KCNH8: variants seen among roughly 807,000 people sequenced by gnomAD.
The protein encoded by KCNH8 is voltage-gated delayed rectifier potassium channel KCNH8.
In KCNH8, 70 loss-of-function variants were observed where a neutral mutation model predicts 103.6. The ratio of observed to expected loss-of-function variants is 0.68; its 90% CI spans 0.56 to 0.82. The LOEUF is 0.82. Among genes scored for constraint, KCNH8 ranks in the 40% least tolerant of loss-of-function variants. KCNH8 has a pLI of 0.00. For synonymous variants in KCNH8, 498 were observed against 489.4 expected (o/e 1.02, Z -0.23); for missense variants, 1,217 against 1,329.9 (o/e 0.92, Z 1.32).
chr3:19,337,307 T>G (rs2065597508), intron 3 of KCNH8, among the ~76,000 whole-genome samples: 1 of 152,108 alleles, frequency 6.6e-6, no homozygotes, highest in Non-Finnish European at 1.5e-5. Context: ...CCTGGCATAA[T>G]GCCTAGAACA....
intron 1 of KCNH8, among the ~76,000 whole-genome samples, chr3:19,175,614 G>A (rs574249289): frequency 1.1e-4 from 16 of 152,154 alleles, no homozygotes; most frequent in Non-Finnish European, 1.0e-4. Context: ...AGACTAAATA[G>A]TTAAAATACT....
At position 19,254,194 on chromosome 3, in the gene KCNH8, C is replaced by T. The variant is rs117073460; in HGVS notation, c.310+307C>T. ...ATATTTTGGTAATTCTTAAAATATA[C>T]GTTATGTATAATAGTTATTTGTATA... On this transcript the variant is annotated intron_variant, in intron 2 of 15. Coordinates refer to ENST00000328405, the MANE Select transcript of KCNH8 (RefSeq NM_144633.3). Among the ~76,000 whole-genome samples the T allele has an allele frequency of 1.3e-3, 201 of 151,816 alleles. No homozygotes were observed. The East Asian group carries it at 0.029, about 22-fold the overall frequency.
intron 5 of KCNH8, among the ~76,000 whole-genome samples, chr3:19,385,101 G>C (rs1559301653): frequency 6.6e-6 from 1 of 151,910 alleles, no homozygotes; most frequent in Non-Finnish European, 1.5e-5. Context: ...ACTGATCTCA[G>C]ATATTTATAG....
Position 19,240,875 on chromosome 3 carries a change from C to T in KCNH8, c.77-12779C>T, listed in dbSNP as rs545311794. 6.4e-4 allele frequency among the ~76,000 whole-genome samples: 97 copies of T among 152,118 alleles called. 2 individuals are homozygous for T. Among genetic ancestry groups the T allele is most frequent in the African/African-American group, 2.2e-3 (93 of 41,500 alleles). ...GAATCCATAGGCAAATTTTTCAGCT[C>T]TTCTAAAAATGCCTCAGATATGACC... On this transcript the variant is annotated intron_variant, in intron 1 of 15. Transcript: ENST00000328405.
chr3:19,319,989 G>C (rs1221499355), intron 3 of KCNH8, among the ~76,000 whole-genome samples: 1 of 151,888 alleles, frequency 6.6e-6, no homozygotes, highest in Non-Finnish European at 1.5e-5. Flanking sequence ...CAGAGATACT[G>C]ATTTGTGTAC....
At chr3:19,257,363 T>C (rs2064359643) in intron 2 of KCNH8, among the ~76,000 whole-genome samples, 1 of 152,038 alleles carries the variant, frequency 6.6e-6, no homozygotes, top group Non-Finnish European at 1.5e-5. Context: ...AACCACATAG[T>C]GGGAGATCAT....
intron 1 of KCNH8, among the ~76,000 whole-genome samples, chr3:19,170,415 G>C (rs187845712): frequency 2.6e-5 from 4 of 151,718 alleles, no homozygotes; most frequent in Middle Eastern, 3.2e-3. Flanking sequence ...ATGTAATAGG[G>C]TCTCAAGCTT....
chr3:19,440,550 G>T (rs865812334), intron 8 of KCNH8, among the ~76,000 whole-genome samples: 7 of 152,100 alleles, frequency 4.6e-5, no homozygotes, highest in Non-Finnish European at 1.5e-5. Context: ...ATCTTGTAAG[G>T]CTTATTTACT....
chr3:19,165,571 T>C (rs1292120759), intron 1 of KCNH8, among the ~76,000 whole-genome samples: 2 of 152,162 alleles, frequency 1.3e-5, no homozygotes, highest in Non-Finnish European at 2.9e-5. Context: ...AAAACAGCCT[T>C]TTGGGTACTT....
chr3:19,367,020 C>T (rs947138131), intron 5 of KCNH8, among the ~76,000 whole-genome samples: 30 of 151,920 alleles, frequency 2.0e-4, no homozygotes, highest in African/African-American at 7.0e-4. Flanking sequence ...ATAGAAGACC[C>T]TTCAGGGTCT....
chr3:19,321,874 A>G (rs775567801), intron 3 of KCNH8, among the ~76,000 whole-genome samples: 1 of 151,982 alleles, frequency 6.6e-6, no homozygotes, highest in Non-Finnish European at 1.5e-5. Context: ...CGTTAGGTGC[A>G]TATATATTTA....
At chr3:19,154,890 A>G (rs1169130667) in intron 1 of KCNH8, among the ~76,000 whole-genome samples, 1 of 152,240 alleles carries the variant, frequency 6.6e-6, no homozygotes, top group Non-Finnish European at 1.5e-5. Context: ...CTGGCAGTAT[A>G]TATTTGCTGA....
chr3:19,274,681 A>T (rs1254626228), intron 2 of KCNH8, among the ~76,000 whole-genome samples: 1 of 152,092 alleles, frequency 6.6e-6, no homozygotes, highest in Non-Finnish European at 1.5e-5. Flanking sequence ...TAATTATTAG[A>T]GATTTCTGAG....
intron 1 of KCNH8, among the ~76,000 whole-genome samples, chr3:19,226,623 G>GCACACACA (rs146546353): frequency 0.033 from 4,877 of 145,682 alleles, 283 homozygotes; most frequent in African/African-American, 0.11. Flanking sequence ...ACACATGCAT[G>GCACACACA]CACACACACA....
chr3:19,386,581 T>C (rs529881312), intron 5 of KCNH8, among the ~76,000 whole-genome samples: 2 of 152,254 alleles, frequency 1.3e-5, no homozygotes, highest in South Asian at 4.1e-4. Flanking sequence ...TTCTTAAAAA[T>C]TTAAACTGTG....
intron 4 of KCNH8, among the ~76,000 whole-genome samples, chr3:19,344,044 A>C (rs1350480840): frequency 6.8e-6 from 1 of 147,128 alleles, no homozygotes; most frequent in Admixed American, 6.8e-5. Flanking sequence ...CCTGTGCCTT[A>C]GTGTTATATT....
At chr3:19,447,496 T>C (rs771889047) in intron 8 of KCNH8, among the ~76,000 whole-genome samples, 60 of 152,170 alleles carry the variant, frequency 3.9e-4, no homozygotes, top group Admixed American at 9.8e-4. Flanking sequence ...GTTAAAATCA[T>C]ACACATAATT....
chr3:19,487,542 C>G (rs1197629511), intron 11 of KCNH8, among the ~76,000 whole-genome samples: 1 of 152,160 alleles, frequency 6.6e-6, no homozygotes, highest in African/African-American at 2.4e-5. Flanking sequence ...CTGCTTTTGT[C>G]TAATTGGCTG....
At chr3:19,467,769 A>G (rs751632205) in intron 11 of KCNH8, among the ~76,000 whole-genome samples, 15 of 152,228 alleles carry the variant, frequency 9.9e-5, no homozygotes, top group Non-Finnish European at 1.2e-4. Flanking sequence ...TTGCTGCTTG[A>G]AATAGATCCC....
Sources: allele counts gnomAD v4.1 joint callset (sites outside exome capture counted in the v4.1 genomes callset), GRCh38; gene constraint gnomAD v4.1.1; transcripts MANE v1.5; gene names NCBI Gene and HGNC (gene_info 2026-07-23, HGNC 2026-07-21).